Variants in LHPP observed in about 807,000 individuals in gnomAD.
LHPP encodes the protein hLHPP.
LHPP carries 24 observed loss-of-function variants against 30.3 expected under a neutral mutation model. The ratio of observed to expected loss-of-function variants is 0.79; its 90% CI spans 0.57 to 1.11. LHPP has a LOEUF of 1.11. Ranked by LOEUF, LHPP falls within the 50% of genes most tolerant of loss-of-function variation. The pLI is 0.00. For missense variants in LHPP, 356 were observed against 367.2 expected, an observed-to-expected ratio of 0.97 and a Z score of 0.25; for synonymous variants, 150 against 157.1, an observed-to-expected ratio of 0.95 and a Z score of 0.34.
chr10:124,565,294 G>A (rs999572321), intron 6 of LHPP, among the ~76,000 whole-genome samples: 2 of 152,060 alleles, frequency 1.3e-5, no homozygotes, highest in East Asian at 1.9e-4. Flanking sequence ...CTTGCTGCTC[G>A]CTAGCTTGTT....
chr10:124,502,838 G>A (rs1450317481), intron 5 of LHPP, among the ~76,000 whole-genome samples: 10 of 148,976 alleles, frequency 6.7e-5, no homozygotes, highest in South Asian at 6.4e-4. Context: ...CACCAAGCCC[G>A]GCTAATTTTT....
At chr10:124,534,775 G>A (rs1954982967) in intron 6 of LHPP, among the ~76,000 whole-genome samples, 2 of 152,178 alleles carry the variant, frequency 1.3e-5, no homozygotes, top group South Asian at 2.1e-4. Context: ...CCAGGCTGGC[G>A]CTGTCGGTGG....
At chr10:124,571,332 G>A (rs1474986657) in intron 6 of LHPP, among the ~76,000 whole-genome samples, 3 of 152,196 alleles carry the variant, frequency 2.0e-5, no homozygotes, top group Non-Finnish European at 2.9e-5. Context: ...ACCTAGTTGT[G>A]GAATTCCTGG....
intron 6 of LHPP, among the ~76,000 whole-genome samples, chr10:124,591,001 A>C (rs1156612394): frequency 6.6e-6 from 1 of 152,184 alleles, no homozygotes; most frequent in Non-Finnish European, 1.5e-5. Flanking sequence ...GTGAGACTCA[A>C]ATGTGAGGAA....
chr10:124,602,979 A>G (rs1184662362), intron 6 of LHPP, among the ~76,000 whole-genome samples: 1 of 152,154 alleles, frequency 6.6e-6, no homozygotes, highest in East Asian at 1.9e-4. Flanking sequence ...CACCCTTGTC[A>G]GGCCTCCTGG....
chr10:124,519,196 C>T (rs553315193), intron 6 of LHPP, among the ~76,000 whole-genome samples: 1 of 152,336 alleles, frequency 6.6e-6, no homozygotes, highest in South Asian at 2.1e-4. Flanking sequence ...GAACCACCCG[C>T]CTCTTCCTCC....
chr10:124,568,554 TC>T (rs1242497038), intron 6 of LHPP, among the ~76,000 whole-genome samples: 1 of 152,158 alleles, frequency 6.6e-6, no homozygotes. Flanking sequence ...TGTGGCCACT[TC>T]CCGCTTCGTG....
chr10:124,517,102 A>G lies in LHPP; in HGVS notation c.625-78A>G. 2 of 853,994 alleles carry G rather than the reference A, an allele frequency of 2.3e-6. No homozygotes were observed. The highest frequency in any genetic ancestry group is 3.6e-6 in the Non-Finnish European group (2 of 556,644). The allele number at this position is 853,994 out of a possible 1,614,324, so 52.9% of individuals were successfully genotyped here. ...TAAACATCAAATCAAGCCATTTATT[A>G]TGTCAAAAAAAGATGAAGGAGCCCG... On this transcript the variant is annotated intron_variant, in intron 5 of 6. Transcript: ENST00000368842. The surrounding 1 kb of genome is among the most constrained non-coding windows in gnomAD (Gnocchi z 4.1).
intron 1 of LHPP, among the ~76,000 whole-genome samples, chr10:124,464,415 CCAAA>C (rs1952498891): frequency 6.6e-6 from 1 of 152,136 alleles, no homozygotes; most frequent in South Asian, 2.1e-4. Context: ...TAATAGGGAC[CCAAA>C]CGGTCCCGCA....
intron 3 of LHPP, among the ~76,000 whole-genome samples, chr10:124,495,456 C>T (rs1295444729): frequency 5.9e-5 from 9 of 152,236 alleles, no homozygotes; most frequent in African/African-American, 1.9e-4. Flanking sequence ...TAAGTTTAGC[C>T]GGGAAGCATC....
At chr10:124,546,431 C>G (rs1955342558) in intron 6 of LHPP, among the ~76,000 whole-genome samples, 1 of 152,208 alleles carries the variant, frequency 6.6e-6, no homozygotes, top group South Asian at 2.1e-4. Context: ...GAGACGGAGT[C>G]TCACTCTGTC....
At chr10:124,488,610 C>A in intron 3 of LHPP, 35 bp downstream of exon 3, 2 of 1,579,616 alleles carry the variant, frequency 1.3e-6, no homozygotes, top group South Asian at 1.1e-5. Flanking sequence ...TTTCTCGGTG[C>A]TTTAGATGAT....
At chr10:124,465,279 GGT>G (rs1952524463) in intron 1 of LHPP, among the ~76,000 whole-genome samples, 1 of 152,150 alleles carries the variant, frequency 6.6e-6, no homozygotes, top group South Asian at 2.1e-4. Context: ...GAGGGCGTGG[GGT>G]GGGGGAGTGG....
At chr10:124,481,158 A>G (rs1953114337) in intron 1 of LHPP, among the ~76,000 whole-genome samples, 1 of 152,128 alleles carries the variant, frequency 6.6e-6, no homozygotes, top group Non-Finnish European at 1.5e-5. Flanking sequence ...CCAGTGAGAA[A>G]GACAATTGCG....
intron 6 of LHPP, chr10:124,545,935 G>C (rs1363427312): frequency 1.3e-5 from 2 of 152,268 alleles, no homozygotes; most frequent in Non-Finnish European, 1.5e-5. Context: ...CAGAGCAGAG[G>C]TGGGAGGGGT....
Position 124,537,166 on chromosome 10 carries a change from C to T in LHPP, c.716+19895C>T, listed in dbSNP as rs112707957. Among the ~76,000 whole-genome samples, 21 of 152,336 alleles carry T rather than the reference C, an allele frequency of 1.4e-4. No homozygotes were observed. The East Asian group carries it at 2.7e-3, about 20-fold the overall frequency. Reference sequence around the variant, plus strand: ...GACATTCACAGCAACCTGGTGCACCCGGAGCCTGGCTGACCCCAGCACCGC... The same window carrying T: ...GACATTCACAGCAACCTGGTGCACCTGGAGCCTGGCTGACCCCAGCACCGC... On this transcript the variant is annotated intron_variant, in intron 6 of 6. Coordinates refer to ENST00000368842, the MANE Select transcript of LHPP (RefSeq NM_022126.4).
Position 124,488,583 on chromosome 10 carries a change from G to T in LHPP, c.467+8G>T. The T allele has an allele frequency of 6.2e-7, 1 of 1,602,024 alleles. No homozygotes were observed. Among genetic ancestry groups the T allele is most frequent in the Middle Eastern group, 1.7e-4 (1 of 6,014 alleles). On this transcript the variant is annotated splice_region_variant and intron_variant, in intron 3 of 6. Transcript: ENST00000368842. ...CATATCACTGGGAAAAGGGTAAGTT[G>T]GCTCCAGGGAGAGTCATTTCTCGGT...
intron 6 of LHPP, among the ~76,000 whole-genome samples, chr10:124,548,298 C>T (rs371558136): frequency 6.6e-6 from 1 of 152,134 alleles, no homozygotes; most frequent in Non-Finnish European, 1.5e-5. Context: ...TTCAGGCTCC[C>T]GCATGAGCTG....
intron 6 of LHPP, among the ~76,000 whole-genome samples, chr10:124,606,862 T>A (rs1028650546): frequency 6.6e-6 from 1 of 152,162 alleles, no homozygotes; most frequent in Admixed American, 6.5e-5. Flanking sequence ...CCCCAGCCCT[T>A]CCCTGCCTGT....
Sources: gnomAD v4.1 joint callset for allele counts (sites outside exome capture counted in the v4.1 genomes callset) on GRCh38, gnomAD v4.1.1 for gene constraint, Gnocchi (gnomAD v3.1) non-coding constraint, MANE v1.5 for transcripts, NCBI Gene and HGNC (gene_info 2026-07-23, HGNC 2026-07-21) for gene names.